The following CHN2 variants were observed in gnomAD, a reference collection of about 807,000 sequenced individuals.
CHN2 encodes the protein beta-chimaerin.
A neutral mutation model predicts 56.3 loss-of-function variants in CHN2; 35 were observed. That is an observed-to-expected ratio of 0.62 (90% confidence interval 0.47 to 0.82). The LOEUF is 0.82. CHN2 is among the 40% of genes least tolerant of loss of function. The probability of loss-of-function intolerance (pLI) is 0.00; values close to 1 mark genes in which losing one functional copy is unlikely to be tolerated. For synonymous variants in CHN2, 210 were observed against 212.8 expected, an observed-to-expected ratio of 0.99 and a Z score of 0.12; for missense variants, 491 against 580.5, an observed-to-expected ratio of 0.85 and a Z score of 1.58.
chr7:29,151,358 G>A (rs921818300), intron 2 of CHN2, among the ~76,000 whole-genome samples: 1 of 152,150 alleles, frequency 6.6e-6, no homozygotes, highest in African/African-American at 2.4e-5. Context: ...AGATGGTTTA[G>A]CGCCCTTTAG....
chr7:29,478,632 A>G (rs547927198), intron 6 of CHN2, among the ~76,000 whole-genome samples: 1 of 152,294 alleles, frequency 6.6e-6, no homozygotes, highest in Admixed American at 6.5e-5. Flanking sequence ...CACTTAAACT[A>G]GGCTGCATGT....
chr7:29,337,411 C>CT (rs771713839), intron 1 of CHN2, among the ~76,000 whole-genome samples: 2 of 152,204 alleles, frequency 1.3e-5, no homozygotes, highest in Non-Finnish European at 2.9e-5. Flanking sequence ...GAGGATATGA[C>CT]TGCTGCCAGC....
chr7:29,485,556 TG>T (rs1434498578), intron 7 of CHN2, among the ~76,000 whole-genome samples: 1 of 151,982 alleles, frequency 6.6e-6, no homozygotes, highest in Non-Finnish European at 1.5e-5. Flanking sequence ...CGTGGGTAGG[TG>T]GAAAGTTGGC....
chr7:29,386,407 G>A (rs961908660), intron 3 of CHN2, among the ~76,000 whole-genome samples: 1 of 152,142 alleles, frequency 6.6e-6, no homozygotes, highest in Non-Finnish European at 1.5e-5. Context: ...CTGTGTAGGA[G>A]GCTGCTAAGT....
chr7:29,150,358 A>C (rs1209154480), intron 2 of CHN2, among the ~76,000 whole-genome samples: 1 of 152,236 alleles, frequency 6.6e-6, no homozygotes, highest in African/African-American at 2.4e-5. Flanking sequence ...ATAAAGGCTC[A>C]AAAAATGGCA....
At chr7:29,339,064 T>C (rs1796837190) in intron 1 of CHN2, among the ~76,000 whole-genome samples, 1 of 152,238 alleles carries the variant, frequency 6.6e-6, no homozygotes, top group Admixed American at 6.5e-5. Context: ...TTAATTTATT[T>C]TGAACCCTCA....
intron 6 of CHN2, among the ~76,000 whole-genome samples, chr7:29,424,154 T>A (rs1007718433): frequency 1.2e-4 from 18 of 152,252 alleles, no homozygotes; most frequent in Non-Finnish European, 1.0e-4. Flanking sequence ...AAGAAGAAGT[T>A]ATTTTTTGGT....
chr7:29,461,891 A>C (rs12666217), intron 6 of CHN2, among the ~76,000 whole-genome samples: 44,786 of 151,938 alleles, frequency 0.29, 7,149 homozygotes, highest in East Asian at 0.35. Context: ...AGAGGATGCA[A>C]AGTGCCTACA....
intron 10 of CHN2, among the ~76,000 whole-genome samples, chr7:29,505,801 T>C (rs1046575996): frequency 1.2e-4 from 19 of 152,230 alleles, no homozygotes; most frequent in African/African-American, 4.3e-4. Flanking sequence ...TGTCAGTCAG[T>C]CTAACTAGAA....
At chr7:29,279,231 T>A (rs1791478480) in intron 1 of CHN2, among the ~76,000 whole-genome samples, 1 of 152,248 alleles carries the variant, frequency 6.6e-6, no homozygotes, top group African/African-American at 2.4e-5. Context: ...CAACTGAATT[T>A]CTCTGGTTAT....
intron 1 of CHN2, among the ~76,000 whole-genome samples, chr7:29,349,151 C>G (rs1013628964): frequency 1.3e-5 from 2 of 152,192 alleles, no homozygotes; most frequent in African/African-American, 4.8e-5. Flanking sequence ...TACGCCCACC[C>G]TTCAGTAGGA....
chr7:29,443,232 G>T (rs1783796469), intron 6 of CHN2, among the ~76,000 whole-genome samples: 1 of 152,152 alleles, frequency 6.6e-6, no homozygotes, highest in Non-Finnish European at 1.5e-5. Context: ...GAGCCACTGT[G>T]CCCGGCCCAA....
At chr7:29,500,378 A>G (rs564818438) in intron 9 of CHN2, among the ~76,000 whole-genome samples, 1 of 152,332 alleles carries the variant, frequency 6.6e-6, no homozygotes, top group East Asian at 1.9e-4. Context: ...TAATCCCAAC[A>G]CTTTTTGGAA....
At chr7:29,439,231 T>C (rs1291218096) in intron 6 of CHN2, among the ~76,000 whole-genome samples, 2 of 152,200 alleles carry the variant, frequency 1.3e-5, no homozygotes, top group Non-Finnish European at 2.9e-5. Flanking sequence ...GTGGGTGCCA[T>C]TGGAATAGAA....
Position 29,194,906 on chromosome 7 carries a change from G to T in CHN2, c.-36G>T. 6.6e-7 allele frequency: 1 copy of T among 1,519,518 alleles called. No individual in the cohort carries two copies. The allele number at this position is 1,519,518 out of a possible 1,614,324, so 94.1% of individuals were successfully genotyped here. ...GGCAGCGGCGGCGGCGTCCGCACCG[G>T]GGCTGAGCGAGCAGCGACGCGAGGG... On this transcript the variant is annotated 5_prime_UTR_variant, in exon 1 of 13. Transcript: ENST00000222792.
chr7:29,361,293 A>C (rs2128031743), intron 2 of CHN2, among the ~76,000 whole-genome samples: 1 of 152,340 alleles, frequency 6.6e-6, no homozygotes, highest in South Asian at 2.1e-4. Context: ...AACCTTGAAA[A>C]TGATGGGCAG....
rs375603835 is a variant in CHN2, at chr7:29,329,444, G to A, written c.50-25181G>A. Among the ~76,000 whole-genome samples the A allele has an allele frequency of 2.7e-5, 4 of 147,932 alleles. No individual in the cohort carries two copies. In the East Asian group the frequency reaches 7.9e-4, roughly 29 times the overall value. On this transcript the variant is annotated intron_variant, in intron 1 of 12. Transcript: ENST00000222792. ...GTGTGCCCTTCATAATAGAACATGG[G>A]CCAACCAGAGATTTTTCTCATTTTT...
At chr7:29,321,824 C>T (rs886501902) in intron 1 of CHN2, among the ~76,000 whole-genome samples, 2 of 152,144 alleles carry the variant, frequency 1.3e-5, no homozygotes, top group East Asian at 3.9e-4. Flanking sequence ...CCCGCCTCAG[C>T]CTCCCAAAGT....
At chr7:29,266,949 TCC>T (rs1790198722) in intron 1 of CHN2, among the ~76,000 whole-genome samples, 1 of 56,542 alleles carries the variant, frequency 1.8e-5, no homozygotes, top group African/African-American at 5.0e-5. Flanking sequence ...CCCTTCTCCC[TCC>T]TCAAGGTGAG....
Sources: allele counts gnomAD v4.1 joint callset (sites outside exome capture counted in the v4.1 genomes callset), GRCh38; gene constraint gnomAD v4.1.1; transcripts MANE v1.5; gene names NCBI Gene and HGNC (gene_info 2026-07-23, HGNC 2026-07-21).